The following IGFL2 variants were observed in gnomAD, a reference collection of about 807,000 sequenced individuals.
IGFL2 encodes the protein insulin growth factor-like family member 2.
IGFL2 carries 7 observed loss-of-function variants against 13.9 expected under a neutral mutation model. That is an observed-to-expected ratio of 0.51 (90% CI 0.29 to 0.95). The LOEUF (loss-of-function observed/expected upper bound fraction) is 0.95, where lower values mean the gene tolerates loss of function less well. IGFL2 is among the 40% of genes least tolerant of loss of function. IGFL2 has a pLI of 0.08. For missense variants in IGFL2, 138 were observed against 147.8 expected (o/e 0.93, Z 0.34); for synonymous variants, 55 against 55.8 (o/e 0.99, Z 0.07).
chr19:46,213,286 A>G, the IGFL2 span: 2 of 152,220 alleles, frequency 1.3e-5, no homozygotes, highest in South Asian at 4.1e-4. Context: ...CTGAGATCAA[A>G]TCTACTATGA....
At chr19:46,198,623 C>T in the IGFL2 span, among the ~76,000 whole-genome samples, 2 of 152,118 alleles carry the variant, frequency 1.3e-5, no homozygotes, top group Non-Finnish European at 2.9e-5. Flanking sequence ...AATAAACTCT[C>T]TTTAAATTAG....
At chr19:46,110,876 A>G in the IGFL2 span, among the ~76,000 whole-genome samples, 2 of 152,238 alleles carry the variant, frequency 1.3e-5, no homozygotes, top group Admixed American at 1.3e-4. Flanking sequence ...TTTTACTTAT[A>G]CAATTAATGT....
the IGFL2 span, among the ~76,000 whole-genome samples, chr19:46,186,043 C>T: frequency 6.6e-6 from 1 of 152,166 alleles, no homozygotes; most frequent in Non-Finnish European, 1.5e-5. Context: ...CCTAATCGTT[C>T]TCCAGGTCTC....
chr19:46,161,436 A>G (rs779186206), downstream of IGFL2: 4 of 222,096 alleles, frequency 1.8e-5, no homozygotes, highest in Admixed American at 1.0e-4. Flanking sequence ...GTTTTTAAGT[A>G]CACTATTATT....
chr19:46,186,428 C>T, the IGFL2 span, among the ~76,000 whole-genome samples: 1 of 152,192 alleles, frequency 6.6e-6, no homozygotes, highest in Non-Finnish European at 1.5e-5. Flanking sequence ...GCAGCGGTGG[C>T]AGGCTCTTAT....
the IGFL2 span, among the ~76,000 whole-genome samples, chr19:46,119,425 G>A: frequency 6.6e-6 from 1 of 152,184 alleles, no homozygotes; most frequent in Non-Finnish European, 1.5e-5. Flanking sequence ...CCCACTGCAA[G>A]CTTCTAAGCC....
chr19:46,145,598 ATATGTGTGTGTGTG>A (rs1394915353), upstream of IGFL2, among the ~76,000 whole-genome samples: 166 of 138,420 alleles, frequency 1.2e-3, 1 homozygote, highest in Middle Eastern at 7.0e-3. Context: ...ACACTCATAT[ATATGTGTGTGTGTG>A]TGTGTGTGTG....
At chr19:46,103,658 A>G in the IGFL2 span, among the ~76,000 whole-genome samples, 3 of 152,292 alleles carry the variant, frequency 2.0e-5, no homozygotes, top group South Asian at 4.1e-4. Context: ...GTGAATAGGA[A>G]TATGACTAGA....
chr19:46,182,920 C>G, the IGFL2 span, among the ~76,000 whole-genome samples: 1 of 152,084 alleles, frequency 6.6e-6, no homozygotes, highest in East Asian at 1.9e-4. Flanking sequence ...CCTCACCTCA[C>G]CCCTTTCTCC....
At position 46,149,202 on chromosome 19, in the gene IGFL2, C is replaced by CTTTCTCTCTCCCACTCT. The variant is rs1568424327; in HGVS notation, c.19+917_19+918insACTCTTTTCTCTCTCCC. Among the ~76,000 whole-genome samples the CTTTCTCTCTCCCACTCT allele has an allele frequency of 2.0e-5, 3 of 150,562 alleles. No individual in the cohort carries two copies. In the East Asian group the frequency reaches 5.8e-4, roughly 29 times the overall value. ...TCTCTCTCTCTTTCTCTCTCCCTCT[C>CTTTCTCTCTCCCACTCT]TTTCTCTCTCCCTCTCTTTTCTCTC... On this transcript the variant is annotated intron_variant, in intron 1 of 3. Coordinates refer to ENST00000377693, the MANE Select transcript of IGFL2 (RefSeq NM_001135113.2).
At chr19:46,187,295 A>G in the IGFL2 span, among the ~76,000 whole-genome samples, 1 of 148,716 alleles carries the variant, frequency 6.7e-6, no homozygotes, top group South Asian at 2.1e-4. Context: ...TTACCCATTT[A>G]TACCTGAGGT....
At chr19:46,079,941 C>G in the IGFL2 span, among the ~76,000 whole-genome samples, 1 of 152,144 alleles carries the variant, frequency 6.6e-6, no homozygotes, top group African/African-American at 2.4e-5. Context: ...GAGCCCTAAA[C>G]ACAGTAGATT....
the IGFL2 span, among the ~76,000 whole-genome samples, chr19:46,169,401 TAAAG>T: frequency 6.6e-6 from 1 of 151,598 alleles, no homozygotes; most frequent in Non-Finnish European, 1.5e-5. Context: ...CAAAGTAAAA[TAAAG>T]GCCATACACT....
downstream of IGFL2, chr19:46,164,746 G>A (rs1324712136): frequency 6.6e-6 from 1 of 152,220 alleles, no homozygotes; most frequent in Non-Finnish European, 1.5e-5. Flanking sequence ...GAGTGCGCTG[G>A]AGAAGGCACG....
the IGFL2 span, chr19:46,208,924 T>TTCTA: frequency 6.6e-5 from 10 of 152,226 alleles, no homozygotes; most frequent in African/African-American, 1.9e-4. Context: ...TTCTACTGTA[T>TTCTA]TCTACAGTGA....
the IGFL2 span, among the ~76,000 whole-genome samples, chr19:46,120,601 A>G: frequency 4.0e-3 from 605 of 151,010 alleles, 40 homozygotes; most frequent in African/African-American, 0.014. Context: ...AATGCCAGAT[A>G]AAGAATTAAA....
At chr19:46,139,526 T>C (rs890189204), upstream of IGFL2, among the ~76,000 whole-genome samples, 4 of 151,990 alleles carry the variant, frequency 2.6e-5, no homozygotes, top group Admixed American at 2.6e-4. Flanking sequence ...TTACTGTAGC[T>C]AAGTGAATAC....
chr19:46,142,993 T>C (rs1262482618), upstream of IGFL2: 1 of 152,286 alleles, frequency 6.6e-6, no homozygotes, highest in Non-Finnish European at 1.5e-5. Context: ...GCACTGGCTC[T>C]GTGAGGTTGC....
chr19:46,110,241 G>T, the IGFL2 span, among the ~76,000 whole-genome samples: 1 of 152,340 alleles, frequency 6.6e-6, no homozygotes, highest in African/African-American at 2.4e-5. Context: ...TCAGAAGAAG[G>T]TGTATAAGCA....
Sources: gnomAD v4.1 joint callset for allele counts (sites outside exome capture counted in the v4.1 genomes callset) on GRCh38, gnomAD v4.1.1 for gene constraint, MANE v1.5 for transcripts, NCBI Gene and HGNC (gene_info 2026-07-23, HGNC 2026-07-21) for gene names.